RASGEF1C: variants seen among roughly 807,000 people sequenced by gnomAD.
The protein encoded by RASGEF1C is ras-GEF domain-containing family member 1C.
In RASGEF1C, 27 loss-of-function variants were observed where a neutral mutation model predicts 58.1. The ratio of observed to expected loss-of-function variants is 0.46; its 90% confidence interval spans 0.34 to 0.64. RASGEF1C has a LOEUF of 0.64. RASGEF1C is among the 30% of genes least tolerant of loss of function. The probability of loss-of-function intolerance (pLI) is 0.01; values close to 1 mark genes in which losing one functional copy is unlikely to be tolerated. For synonymous variants in RASGEF1C, 243 were observed against 246.3 expected, an observed-to-expected ratio of 0.99 and a Z score of 0.13; for missense variants, 502 against 605.1, an observed-to-expected ratio of 0.83 and a Z score of 1.79.
At chr5:180,116,313 G>A (rs1348558021) in intron 10 of RASGEF1C, among the ~76,000 whole-genome samples, 1 of 152,210 alleles carries the variant, frequency 6.6e-6, no homozygotes, top group East Asian at 1.9e-4. Context: ...GACTGGGAGA[G>A]GGGCAGTTGC....
chr5:180,201,210 C>A (rs1756389890), intron 1 of RASGEF1C, among the ~76,000 whole-genome samples: 1 of 152,154 alleles, frequency 6.6e-6, no homozygotes, highest in Admixed American at 6.5e-5. Flanking sequence ...AGCATTCGAG[C>A]CCGGAGGTGG....
At chr5:180,157,690 T>C (rs1221795522) in intron 1 of RASGEF1C, among the ~76,000 whole-genome samples, 1 of 149,198 alleles carries the variant, frequency 6.7e-6, no homozygotes, top group Non-Finnish European at 1.5e-5. Context: ...AAAATGTAAA[T>C]GCATATTACT....
chr5:180,151,557 A>G (rs1384558619), intron 1 of RASGEF1C, among the ~76,000 whole-genome samples: 1 of 152,160 alleles, frequency 6.6e-6, no homozygotes, highest in Non-Finnish European at 1.5e-5. Flanking sequence ...CACCTTATAC[A>G]AAAATTAATT....
intron 1 of RASGEF1C, among the ~76,000 whole-genome samples, chr5:180,176,546 A>G (rs1025776112): frequency 2.0e-5 from 3 of 150,134 alleles, no homozygotes; most frequent in Non-Finnish European, 4.4e-5. Flanking sequence ...TTGGCTTTCC[A>G]AGGCTAATAC....
chr5:180,174,629 TG>T, intron 1 of RASGEF1C, among the ~76,000 whole-genome samples: 1 of 30,538 alleles, frequency 3.3e-5, no homozygotes, highest in East Asian at 7.2e-4. Context: ...TGTGTGTGTG[TG>T]TGTGTGTGCG....
chr5:180,190,440 A>T (rs199899631), intron 1 of RASGEF1C, among the ~76,000 whole-genome samples: 1,261 of 119,690 alleles, frequency 0.011, 523 homozygotes, highest in East Asian at 0.054. Context: ...CAGTGAGCTG[A>T]GATCGCGCCA....
Position 180,101,410 on chromosome 5 carries a change from C to G in RASGEF1C, c.*91G>C, listed in dbSNP as rs941636477. On this transcript the variant is annotated 3_prime_UTR_variant, in exon 14 of 14. Transcript: ENST00000361132. ...TCGGCATTTGCAAAATAGTGAGGCA[C>G]TCCCTGGCCTCTGCCCACTGGGCCA... 5 of 1,497,570 alleles carry G rather than the reference C, an allele frequency of 3.3e-6. No homozygotes were observed. Among genetic ancestry groups the G allele is most frequent in the African/African-American group, 1.4e-5 (1 of 72,812 alleles). The allele number at this position is 1,497,570 out of a possible 1,614,324, so 92.8% of individuals were successfully genotyped here. A position where few individuals can be genotyped will look rare whatever the true frequency, so the allele number is the denominator to read the frequency against.
At chr5:180,167,072 T>A (rs901873921) in intron 1 of RASGEF1C, among the ~76,000 whole-genome samples, 2 of 152,206 alleles carry the variant, frequency 1.3e-5, no homozygotes, top group African/African-American at 4.8e-5. Flanking sequence ...TTGAGATTCA[T>A]CCTGTCTGGC....
chr5:180,107,810 TGTTGGTCAGGCTG>T (rs1217347310), intron 12 of RASGEF1C, among the ~76,000 whole-genome samples: 3 of 152,122 alleles, frequency 2.0e-5, no homozygotes, highest in Non-Finnish European at 2.9e-5. Context: ...GGTTTCGCCA[TGTTGGTCAGGCTG>T]GTTGGTCAGG....
intron 12 of RASGEF1C, among the ~76,000 whole-genome samples, chr5:180,110,125 GGGAGCA>G (rs1017322122): frequency 3.9e-5 from 6 of 152,074 alleles, no homozygotes; most frequent in Non-Finnish European, 7.4e-5. Flanking sequence ...CGGGGCCCTG[GGGAGCA>G]GGTTCTCACA....
chr5:180,175,385 C>G (rs75355668), intron 1 of RASGEF1C, among the ~76,000 whole-genome samples: 18,600 of 152,276 alleles, frequency 0.12, 1,483 homozygotes, highest in Middle Eastern at 0.2. Flanking sequence ...CTGCTGCTCT[C>G]CAGACTCATC....
At chr5:180,119,136 G>A (rs777162487) in intron 8 of RASGEF1C, among the ~76,000 whole-genome samples, 9 of 152,348 alleles carry the variant, frequency 5.9e-5, no homozygotes, top group East Asian at 1.9e-4. Flanking sequence ...CAAACATCCC[G>A]AGGGGGCTGG....
At chr5:180,136,669 C>T (rs917597257) in intron 3 of RASGEF1C, 154 bp from the exon 4 acceptor site, 24 of 747,872 alleles carry the variant, frequency 3.2e-5, no homozygotes, top group Non-Finnish European at 4.9e-5. Context: ...TCCTGCTCTG[C>T]GCCCACGGGG....
intron 1 of RASGEF1C, among the ~76,000 whole-genome samples, chr5:180,199,077 C>T (rs1756333255): frequency 6.6e-6 from 1 of 152,210 alleles, no homozygotes; most frequent in Admixed American, 6.5e-5. Context: ...TCCTCCCCAA[C>T]CCCCACCTGC....
chr5:180,173,648 C>T (rs1023673065), intron 1 of RASGEF1C, among the ~76,000 whole-genome samples: 7 of 152,190 alleles, frequency 4.6e-5, no homozygotes, highest in African/African-American at 7.2e-5. Flanking sequence ...GGCACGGTGG[C>T]TCCCGCCTGT....
chr5:180,137,944 C>T lies in RASGEF1C; in HGVS notation c.109G>A (p.Ala37Thr). ...GTTTCCAGGGAGGCTGAGGATGGCG[C>T]TCCATCCAGGAGGGGCTGCCCAGCC... ...EQAGQPLLDG[A>T]PSSASLETLI... The change falls in exon 2 of 14, where the codon GCG (alanine) becomes ACG (threonine). Residue 37 changes from alanine to threonine, a missense_variant. Transcript: ENST00000361132. This position sits in a 1 kb window ranked among gnomAD's most constrained non-coding sequence, Gnocchi z 4.1. The T allele has an allele frequency of 2.5e-6, 4 of 1,613,054 alleles. No homozygotes were observed. Among genetic ancestry groups the T allele is most frequent in the Non-Finnish European group, 3.4e-6 (4 of 1,179,778 alleles).
At chr5:180,192,489 T>G (rs1756181163) in intron 1 of RASGEF1C, among the ~76,000 whole-genome samples, 1 of 152,196 alleles carries the variant, frequency 6.6e-6, no homozygotes, top group Non-Finnish European at 1.5e-5. Flanking sequence ...ACCTGGTATT[T>G]GATACAGTTA....
intron 1 of RASGEF1C, among the ~76,000 whole-genome samples, chr5:180,145,285 G>A (rs1303970204): frequency 2.0e-5 from 3 of 152,122 alleles, no homozygotes; most frequent in Middle Eastern, 3.4e-3. Flanking sequence ...CACCGTGTCC[G>A]GCTAATTTTT....
At chr5:180,189,391 C>G (rs1207930368) in intron 1 of RASGEF1C, among the ~76,000 whole-genome samples, 1 of 152,114 alleles carries the variant, frequency 6.6e-6, no homozygotes, top group Admixed American at 6.6e-5. Context: ...AAATTTATTT[C>G]AAAATGCCAA....
Sources: allele counts gnomAD v4.1 joint callset (sites outside exome capture counted in the v4.1 genomes callset), GRCh38; gene constraint gnomAD v4.1.1; non-coding constraint Gnocchi (gnomAD v3.1); transcripts MANE v1.5; gene names NCBI Gene and HGNC (gene_info 2026-07-23, HGNC 2026-07-21).